PARD3: variants seen among roughly 807,000 people sequenced by gnomAD.
PARD3 encodes partitioning defective 3 homolog.
A neutral mutation model predicts 155.4 loss-of-function variants in PARD3; 75 were observed. The observed-to-expected ratio is 0.48, with a 90% CI of 0.40 to 0.58. PARD3 has a LOEUF of 0.58. PARD3 is among the 20% of genes least tolerant of loss of function. PARD3 has a pLI of 0.00. For synonymous variants in PARD3, 576 were observed against 610.5 expected (o/e 0.94, Z 0.83); for missense variants, 1,642 against 1,721.7 (o/e 0.95, Z 0.82).
chr10:34,328,629 G>A (rs1173231782), intron 19 of PARD3, among the ~76,000 whole-genome samples: 2 of 152,166 alleles, frequency 1.3e-5, no homozygotes, highest in East Asian at 1.9e-4. Flanking sequence ...CCTGACCAGA[G>A]ATCACAACAC....
At chr10:34,381,227 G>A (rs917281785) in intron 9 of PARD3, among the ~76,000 whole-genome samples, 12 of 152,142 alleles carry the variant, frequency 7.9e-5, no homozygotes, top group African/African-American at 2.9e-4. Context: ...TCCGGATATG[G>A]AAAACATACT....
intron 2 of PARD3, among the ~76,000 whole-genome samples, chr10:34,605,922 A>C (rs1425727340): frequency 1.0e-5 from 1 of 99,126 alleles, no homozygotes; most frequent in Non-Finnish European, 1.9e-5. Flanking sequence ...TCTCCTATAT[A>C]TATATCTCCT....
chr10:34,313,066 A>C (rs1373724953), intron 20 of PARD3, among the ~76,000 whole-genome samples: 1 of 152,214 alleles, frequency 6.6e-6, no homozygotes, highest in East Asian at 1.9e-4. Flanking sequence ...TTAAAACATT[A>C]AAAAACATAT....
intron 2 of PARD3, among the ~76,000 whole-genome samples, chr10:34,641,902 AGAG>A (rs1564451432): frequency 1.3e-5 from 2 of 152,142 alleles, no homozygotes; most frequent in Admixed American, 6.5e-5. Context: ...TGGAGGTGGC[AGAG>A]GAGAAGAGGC....
At chr10:34,497,328 G>A (rs991455145) in intron 3 of PARD3, among the ~76,000 whole-genome samples, 9 of 152,198 alleles carry the variant, frequency 5.9e-5, no homozygotes, top group African/African-American at 1.9e-4. Context: ...CGTTTACATT[G>A]TGTTAGGCCT....
At chr10:34,448,108 GGATA>G (rs1450159115) in intron 5 of PARD3, among the ~76,000 whole-genome samples, 1 of 150,734 alleles carries the variant, frequency 6.6e-6, no homozygotes, top group African/African-American at 2.5e-5. Context: ...ACCGATGAAT[GGATA>G]AAGAAAATGT....
chr10:34,658,053 G>C (rs553676786), intron 2 of PARD3, among the ~76,000 whole-genome samples: 100 of 151,938 alleles, frequency 6.6e-4, no homozygotes, highest in African/African-American at 2.2e-3. Flanking sequence ...GGCTGAGGCA[G>C]GAGAATGGCC....
At chr10:34,520,045 C>T (rs532942701) in intron 2 of PARD3, among the ~76,000 whole-genome samples, 1 of 152,088 alleles carries the variant, frequency 6.6e-6, no homozygotes, top group Non-Finnish European at 1.5e-5. Context: ...TGCCTCCAAT[C>T]CAAGCTTTTT....
chr10:34,563,660 A>T, intron 2 of PARD3, among the ~76,000 whole-genome samples: 1 of 151,900 alleles, frequency 6.6e-6, no homozygotes, highest in Non-Finnish European at 1.5e-5. Flanking sequence ...CCTCCTGAGC[A>T]GCTGGGATTA....
chr10:34,392,001 C>CA (rs1443285448), intron 7 of PARD3, among the ~76,000 whole-genome samples: 4 of 151,984 alleles, frequency 2.6e-5, no homozygotes, highest in Non-Finnish European at 5.9e-5. Context: ...ACCAAAAATA[C>CA]AAAAAATTAG....
At chr10:34,814,021 G>T (rs373144702) in intron 1 of PARD3, among the ~76,000 whole-genome samples, 2 of 152,320 alleles carry the variant, frequency 1.3e-5, no homozygotes, top group African/African-American at 4.8e-5. Flanking sequence ...CAGTCCACCA[G>T]GAAAAAGGGA....
chr10:34,720,601 C>T (rs142880392), intron 1 of PARD3, among the ~76,000 whole-genome samples: 2,253 of 151,992 alleles, frequency 0.015, 57 homozygotes, highest in African/African-American at 0.052. Context: ...AGTTCAAGAC[C>T]AGCCTGACCA....
chr10:34,131,963 C>T (rs1009609554), intron 22 of PARD3, among the ~76,000 whole-genome samples: 2 of 152,028 alleles, frequency 1.3e-5, no homozygotes, highest in African/African-American at 4.8e-5. Context: ...CTTAGACTAA[C>T]GTACTTAATG....
At chr10:34,736,023 T>C (rs2094907033) in intron 1 of PARD3, among the ~76,000 whole-genome samples, 1 of 151,642 alleles carries the variant, frequency 6.6e-6, no homozygotes, top group Non-Finnish European at 1.5e-5. Flanking sequence ...CACACCAAAC[T>C]TGTTACTTTT....
Position 34,330,503 on chromosome 10 carries a change from GA to G in PARD3, c.2833+613del, listed in dbSNP as rs535978129. 2.4e-3 allele frequency among the ~76,000 whole-genome samples: 354 copies of G among 146,794 alleles called. 1 individual carries two copies. Among genetic ancestry groups the G allele is most frequent in the African/African-American group, 7.1e-3 (286 of 40,192 alleles). ...TGAGTAATTCCTGAAAGCAAAAAAA[GA>G]AAAAAAAAATGTTTTTAAGATCACA... On this transcript the variant is annotated intron_variant, in intron 19 of 24. Coordinates refer to ENST00000374788, the MANE Select transcript of PARD3 (RefSeq NM_001184785.2).
intron 2 of PARD3, among the ~76,000 whole-genome samples, chr10:34,620,081 A>T (rs1011104326): frequency 1.3e-5 from 2 of 152,214 alleles, no homozygotes; most frequent in African/African-American, 4.8e-5. Context: ...AAATAAGCAT[A>T]AAATATAGAT....
chr10:34,783,028 G>T (rs1442485051), intron 1 of PARD3, among the ~76,000 whole-genome samples: 1 of 152,070 alleles, frequency 6.6e-6, no homozygotes, highest in African/African-American at 2.4e-5. Context: ...CCTGGCCAAG[G>T]TTTTAAATCT....
intron 1 of PARD3, among the ~76,000 whole-genome samples, chr10:34,803,486 C>A (rs1050301778): frequency 2.6e-5 from 4 of 152,086 alleles, no homozygotes; most frequent in African/African-American, 9.7e-5. Context: ...AAAAATGACT[C>A]CACCATAGAA....
At chr10:34,630,342 G>A (rs967645312) in intron 2 of PARD3, among the ~76,000 whole-genome samples, 4 of 152,136 alleles carry the variant, frequency 2.6e-5, no homozygotes, top group Non-Finnish European at 4.4e-5. Flanking sequence ...CAGGAATGCA[G>A]CTTTTCACAT....
Sources: allele counts gnomAD v4.1 joint callset (sites outside exome capture counted in the v4.1 genomes callset), GRCh38; gene constraint gnomAD v4.1.1; transcripts MANE v1.5; gene names NCBI Gene and HGNC (gene_info 2026-07-23, HGNC 2026-07-21).